SORCS3: variants seen among roughly 807,000 people sequenced by gnomAD.
The protein encoded by SORCS3 is VPS10 domain-containing receptor SorCS3.
In SORCS3, 57 loss-of-function variants were observed where a neutral mutation model predicts 146.3. The ratio of observed to expected loss-of-function variants is 0.39; its 90% CI spans 0.31 to 0.49. The LOEUF is 0.49. SORCS3 is among the 20% of genes least tolerant of loss of function. SORCS3 has a pLI of 0.92. For missense variants in SORCS3, 1,341 were observed against 1,575.5 expected (o/e 0.85, Z 2.52); for synonymous variants, 653 against 618.5 (o/e 1.06, Z -0.83).
chr10:105,206,234 G>C lies in SORCS3; in HGVS notation c.2262-4903G>C, dbSNP rs1278823364. Among the ~76,000 whole-genome samples the C allele has an allele frequency of 2.0e-5, 3 of 152,084 alleles. No homozygotes were observed. The East Asian group carries it at 5.8e-4, about 29-fold the overall frequency. Reference sequence around the variant, plus strand: ...CAAAAGAGTTATTGCACTAAAAGAAGGCATAGCAGAAAATAATGAGTATAA... The same window carrying C: ...CAAAAGAGTTATTGCACTAAAAGAACGCATAGCAGAAAATAATGAGTATAA... On this transcript the variant is annotated intron_variant, in intron 16 of 26. Transcript: ENST00000369701.
chr10:105,242,866 T>TA (rs2056843077), intron 20 of SORCS3, among the ~76,000 whole-genome samples: 3 of 79,186 alleles, frequency 3.8e-5, no homozygotes, highest in Admixed American at 1.8e-4. Flanking sequence ...TATATATATA[T>TA]TTTTATATAT....
chr10:105,227,329 T>C (rs2056739540), intron 20 of SORCS3, among the ~76,000 whole-genome samples: 1 of 152,118 alleles, frequency 6.6e-6, no homozygotes, highest in South Asian at 2.1e-4. Flanking sequence ...GCATATCATT[T>C]AATTTCTATG....
At chr10:105,132,059 G>A (rs911645000) in intron 7 of SORCS3, among the ~76,000 whole-genome samples, 3 of 152,084 alleles carry the variant, frequency 2.0e-5, no homozygotes, top group Non-Finnish European at 2.9e-5. Context: ...ATAGAGGTTT[G>A]GAAATTTCAC....
intron 2 of SORCS3, among the ~76,000 whole-genome samples, chr10:104,898,754 G>C (rs2133588476): frequency 6.6e-6 from 1 of 152,268 alleles, no homozygotes; most frequent in East Asian, 1.9e-4. Flanking sequence ...AGATTTCCAA[G>C]ATCTACAGGA....
intron 1 of SORCS3, among the ~76,000 whole-genome samples, chr10:104,825,294 G>A (rs534953750): frequency 4.8e-4 from 73 of 152,220 alleles, no homozygotes; most frequent in Non-Finnish European, 8.8e-4. Flanking sequence ...CTGAATGAAG[G>A]GCGTGATCTT....
intron 16 of SORCS3, 29 bp from the exon 17 acceptor site, chr10:105,211,108 C>T (rs2056630774): frequency 1.3e-6 from 2 of 1,503,088 alleles, no homozygotes; most frequent in Non-Finnish European, 1.9e-6. Context: ...TACATATATA[C>T]TACTATGCAA....
At chr10:104,958,464 G>T (rs1306828649) in intron 3 of SORCS3, among the ~76,000 whole-genome samples, 1 of 152,168 alleles carries the variant, frequency 6.6e-6, no homozygotes, top group Non-Finnish European at 1.5e-5. Context: ...ATGCTAATCA[G>T]CTGATCTTAA....
chr10:104,706,201 CTTTT>C (rs1162969172), intron 1 of SORCS3, among the ~76,000 whole-genome samples: 62 of 85,848 alleles, frequency 7.2e-4, no homozygotes, highest in African/African-American at 2.6e-3. Context: ...TTTTCTTCTT[CTTTT>C]TTTTTTTTTT....
At chr10:105,122,832 C>T (rs2055944222) in intron 7 of SORCS3, among the ~76,000 whole-genome samples, 1 of 152,142 alleles carries the variant, frequency 6.6e-6, no homozygotes, top group African/African-American at 2.4e-5. Flanking sequence ...ACTTGAGGGG[C>T]TCAGCTTGAG....
intron 4 of SORCS3, among the ~76,000 whole-genome samples, chr10:105,009,284 A>T (rs914412267): frequency 1.3e-5 from 2 of 152,150 alleles, no homozygotes; most frequent in African/African-American, 4.8e-5. Context: ...GCAGAGCTTA[A>T]ATTGTGGTAG....
chr10:104,663,884 T>G (rs1314522430), intron 1 of SORCS3, among the ~76,000 whole-genome samples: 1 of 152,088 alleles, frequency 6.6e-6, no homozygotes, highest in Non-Finnish European at 1.5e-5. Flanking sequence ...TCATCCCCCA[T>G]CCTTCTCGCC....
chr10:104,978,292 G>A (rs918079334), intron 4 of SORCS3, among the ~76,000 whole-genome samples: 1 of 152,100 alleles, frequency 6.6e-6, no homozygotes, highest in Admixed American at 6.6e-5. Flanking sequence ...TCTTAGTTGA[G>A]TTATAGAAGG....
At chr10:104,801,497 A>G (rs1589504379) in intron 1 of SORCS3, among the ~76,000 whole-genome samples, 1 of 152,240 alleles carries the variant, frequency 6.6e-6, no homozygotes, top group South Asian at 2.1e-4. Context: ...CCAGCTCCCC[A>G]CCAGCCACAG....
rs562176934 is a variant in SORCS3 at position 104,648,891 on chromosome 10, G to A, written c.627+6937G>A. Among the ~76,000 whole-genome samples the A allele has an allele frequency of 5.9e-5, 9 of 152,270 alleles. 1 individual carries two copies. The South Asian group carries it at 1.9e-3, about 32-fold the overall frequency. On this transcript the variant is annotated intron_variant, in intron 1 of 26. Transcript: ENST00000369701. ...CAGGGAATCAGAGGAAGCCATCCCTGCTTGGTTGAGATGAGAGGGACCTGC... is the reference window on the plus strand; with the variant it reads ...CAGGGAATCAGAGGAAGCCATCCCTACTTGGTTGAGATGAGAGGGACCTGC...
intron 1 of SORCS3, among the ~76,000 whole-genome samples, chr10:104,728,027 C>T (rs2016661228): frequency 1.2e-5 from 1 of 85,498 alleles, no homozygotes; most frequent in Non-Finnish European, 2.6e-5. Flanking sequence ...ACAGTTCTAT[C>T]TATCTATCTA....
intron 7 of SORCS3, among the ~76,000 whole-genome samples, chr10:105,132,769 G>A (rs540328101): frequency 2.0e-5 from 3 of 152,108 alleles, no homozygotes; most frequent in Admixed American, 6.6e-5. Context: ...TCAGATTAAC[G>A]AACCAGTCAT....
rs185125751 is a variant in SORCS3, at chr10:105,235,820, T to C, written c.2869-9722T>C. 8.2e-4 allele frequency among the ~76,000 whole-genome samples: 125 copies of C among 152,218 alleles called. 1 individual carries two copies. The Middle Eastern group carries it at 0.014, about 17-fold the overall frequency. ...GTTGTGTGAGAGCTTGATAAAGTTA[T>C]CTGTCCTAAGATGTAATTGACTCAC... On this transcript the variant is annotated intron_variant, in intron 20 of 26. Transcript: ENST00000369701.
intron 4 of SORCS3, among the ~76,000 whole-genome samples, chr10:105,022,245 G>T (rs1053016180): frequency 6.6e-6 from 1 of 151,840 alleles, no homozygotes; most frequent in African/African-American, 2.4e-5. Flanking sequence ...AAATCTGTGG[G>T]GTGACAGGGC....
At chr10:104,667,075 A>G (rs893269852) in intron 1 of SORCS3, among the ~76,000 whole-genome samples, 1 of 152,160 alleles carries the variant, frequency 6.6e-6, no homozygotes, top group Non-Finnish European at 1.5e-5. Flanking sequence ...CATAGTTAAA[A>G]TTGTGGTAGG....
Sources: gnomAD v4.1 joint callset for allele counts (sites outside exome capture counted in the v4.1 genomes callset) on GRCh38, gnomAD v4.1.1 for gene constraint, MANE v1.5 for transcripts, NCBI Gene and HGNC (gene_info 2026-07-23, HGNC 2026-07-21) for gene names.